The following GPM6B variants were observed in gnomAD, a reference collection of about 807,000 sequenced individuals.
GPM6B encodes the protein neuronal membrane glycoprotein M6-b.
Under a neutral mutation model 27.2 loss-of-function variants are expected in GPM6B, and 4 were observed. The ratio of observed to expected loss-of-function variants is 0.15; its 90% CI spans 0.07 to 0.34. The LOEUF is 0.34. GPM6B is among the 10% of genes least tolerant of loss of function. GPM6B has a pLI of 1.00. For missense variants in GPM6B, 183 were observed against 261.9 expected (o/e 0.70, Z 2.08); for synonymous variants, 124 against 103.1 (o/e 1.20, Z -1.23).
intron 1 of GPM6B, among the ~76,000 whole-genome samples, chrX:13,894,371 C>A (rs954765395): frequency 3.6e-5 from 4 of 111,822 alleles, no homozygotes; most frequent in African/African-American, 1.3e-4. Flanking sequence ...TGTGGTAAAT[C>A]TGGACATAAT....
rs1183327876 is a variant in GPM6B, at chrX:13,772,860, C to T, written c.*21G>A. Reference sequence around the variant, plus strand: ...TTTGTCAGAGCTGTAAATACGTCGGCCGAAACACTCTGGCAAACATTTATG... The same window carrying T: ...TTTGTCAGAGCTGTAAATACGTCGGTCGAAACACTCTGGCAAACATTTATG... On this transcript the variant is annotated 3_prime_UTR_variant, in exon 8 of 8. Transcript: ENST00000316715. 2.5e-6 allele frequency: 3 copies of T among 1,203,192 alleles called. No homozygotes were observed. The African/African-American group carries it at 5.2e-5, about 21-fold the overall frequency.
At position 13,814,605 on chromosome X, in the gene GPM6B, C is replaced by T. The variant is rs965234967; in HGVS notation, c.61+2239G>A. On this transcript the variant is annotated intron_variant, in intron 1 of 7. Coordinates refer to ENST00000316715, the MANE Select transcript of GPM6B (RefSeq NM_001001995.3). ...TGAAGGAATACTGATGTGACAATCACGCAGAAACATTTGTGGCTATCATTT... is the reference window on the plus strand; with the variant it reads ...TGAAGGAATACTGATGTGACAATCATGCAGAAACATTTGTGGCTATCATTT... Among the ~76,000 whole-genome samples, 4 of 112,272 alleles carry T rather than the reference C, an allele frequency of 3.6e-5. No homozygotes were observed. In the Admixed American group the frequency reaches 3.8e-4, roughly 11 times the overall value.
chrX:13,865,192 G>C (rs2049895382), intron 1 of GPM6B, among the ~76,000 whole-genome samples: 1 of 110,609 alleles, frequency 9.0e-6, no homozygotes, highest in Non-Finnish European at 1.9e-5. Flanking sequence ...ACTTGGTCAT[G>C]AACAGGCTCC....
intron 1 of GPM6B, among the ~76,000 whole-genome samples, chrX:13,926,411 A>ATT (rs1424988344): frequency 4.8e-5 from 5 of 105,019 alleles, no homozygotes; most frequent in Non-Finnish European, 7.8e-5. Context: ...CTCCATCTCA[A>ATT]AAAAACAAAC....
At chrX:13,801,981 A>G (rs1238011027) in intron 2 of GPM6B, among the ~76,000 whole-genome samples, 3 of 111,136 alleles carry the variant, frequency 2.7e-5, no homozygotes, top group African/African-American at 6.5e-5. Flanking sequence ...GGGTGAGGGT[A>G]TATGTGGCTT....
intron 1 of GPM6B, among the ~76,000 whole-genome samples, chrX:13,829,128 G>C (rs1206762942): frequency 1.8e-5 from 2 of 111,731 alleles, no homozygotes; most frequent in Non-Finnish European, 3.8e-5. Context: ...TCCATCACTT[G>C]CAACTATCTC....
chrX:13,889,764 T>TTA (rs1555927053), intron 1 of GPM6B, among the ~76,000 whole-genome samples: 1 of 110,362 alleles, frequency 9.1e-6, no homozygotes, highest in African/African-American at 3.3e-5. Context: ...TTTTTTTTTT[T>TTA]ATCACCAGAA....
At chrX:13,921,713 G>A (rs750581202) in intron 1 of GPM6B, among the ~76,000 whole-genome samples, 1 of 110,638 alleles carries the variant, frequency 9.0e-6, no homozygotes, top group East Asian at 2.8e-4. Context: ...TAAGTAGCTG[G>A]GATTACAGGC....
chrX:13,908,823 G>A (rs1179579090), intron 1 of GPM6B, among the ~76,000 whole-genome samples: 2 of 112,280 alleles, frequency 1.8e-5, no homozygotes, highest in Non-Finnish European at 3.8e-5. Flanking sequence ...TCTTAGAAAC[G>A]TCTGCCTCAG....
chrX:13,798,064 C>T (rs977676380), intron 2 of GPM6B, among the ~76,000 whole-genome samples: 3 of 110,539 alleles, frequency 2.7e-5, no homozygotes, highest in Non-Finnish European at 5.7e-5. Context: ...TTCATGAGCA[C>T]ACACGTATGT....
chrX:13,812,490 C>T (rs954315778), intron 1 of GPM6B, among the ~76,000 whole-genome samples: 2 of 112,023 alleles, frequency 1.8e-5, no homozygotes, highest in African/African-American at 6.5e-5. Flanking sequence ...TCCTGGCCAA[C>T]TATCTCCCAT....
In GPM6B at chrX:13,779,886, A is replaced by G; in HGVS notation, c.629T>C (p.Val210Ala). The G allele has an allele frequency of 8.3e-7, 1 of 1,202,577 alleles. No individual in the cohort carries two copies. The highest frequency in any genetic ancestry group is 1.1e-6 in the Non-Finnish European group (1 of 888,726). Residue 210 changes from valine (V) to alanine (A), a missense_variant, in exon 5 of 8, where the codon GTC becomes GCC. By Grantham distance (64) the Val-to-Ala change is moderately conservative. Coordinates refer to ENST00000316715, the MANE Select transcript of GPM6B (RefSeq NM_001001995.3). Reference protein sequence around the residue: ...MFYNIWSTCEVIKSPQTNGTT... With the variant: ...MFYNIWSTCEAIKSPQTNGTT... ...CCCGTTGGTCTGCGGTGACTTGATGACTTCACAAGTTGACCATATGTTGTA... is the reference window on the plus strand; with the variant it reads ...CCCGTTGGTCTGCGGTGACTTGATGGCTTCACAAGTTGACCATATGTTGTA...
At chrX:13,886,742 A>AAAAAAAAAAAAAAAAC in intron 1 of GPM6B, among the ~76,000 whole-genome samples, 2 of 103,576 alleles carry the variant, frequency 1.9e-5, no homozygotes, top group African/African-American at 3.6e-5. Context: ...AAAAAAAAAA[A>AAAAAAAAAAAAAAAAC]TCTAGAAACT....
At chrX:13,802,955 C>T (rs755577113) in intron 2 of GPM6B, among the ~76,000 whole-genome samples, 14 of 111,787 alleles carry the variant, frequency 1.3e-4, no homozygotes, top group Non-Finnish European at 2.4e-4. Context: ...CAACTATGGC[C>T]AGAGGTGGAA....
At chrX:13,833,815 G>A (rs888885652) in intron 1 of GPM6B, among the ~76,000 whole-genome samples, 3 of 112,503 alleles carry the variant, frequency 2.7e-5, no homozygotes, top group African/African-American at 9.7e-5. Flanking sequence ...GAATCAGAAC[G>A]GGCTAACGTG....
At chrX:13,799,577 A>C (rs2048883634) in intron 2 of GPM6B, among the ~76,000 whole-genome samples, 1 of 109,793 alleles carries the variant, frequency 9.1e-6, no homozygotes, top group African/African-American at 3.3e-5. Context: ...TACACAATGG[A>C]CACTAAAATT....
At chrX:13,910,852 A>C (rs1432608021) in intron 1 of GPM6B, among the ~76,000 whole-genome samples, 1 of 112,634 alleles carries the variant, frequency 8.9e-6, no homozygotes, top group Non-Finnish European at 1.9e-5. Flanking sequence ...ATTCCTATAT[A>C]ACATGTTACA....
intron 1 of GPM6B, among the ~76,000 whole-genome samples, chrX:13,873,142 T>G (rs1313367010): frequency 2.0e-5 from 1 of 50,631 alleles, no homozygotes; most frequent in Non-Finnish European, 3.6e-5. Flanking sequence ...CCATGGAGAA[T>G]AGCGTAAGGA....
At chrX:13,925,921 G>A (rs1349077685) in intron 1 of GPM6B, among the ~76,000 whole-genome samples, 2 of 107,128 alleles carry the variant, frequency 1.9e-5, no homozygotes, top group Admixed American at 1.0e-4. Context: ...CAGGCATGGT[G>A]GCGGGCGCCT....
Sources: allele counts gnomAD v4.1 joint callset (sites outside exome capture counted in the v4.1 genomes callset), GRCh38; gene constraint gnomAD v4.1.1; transcripts MANE v1.5; gene names NCBI Gene and HGNC (gene_info 2026-07-23, HGNC 2026-07-21).